The following CNTN4 variants were observed in gnomAD, a reference collection of about 807,000 sequenced individuals.
The protein encoded by CNTN4 is contactin 4.
CNTN4 carries 77 observed loss-of-function variants against 122.5 expected under a neutral mutation model. The observed-to-expected ratio is 0.63, with a 90% CI of 0.52 to 0.76. The LOEUF (loss-of-function observed/expected upper bound fraction) is 0.76. Ranked by LOEUF, CNTN4 falls within the 30% of genes least tolerant of loss-of-function variation. The pLI is 0.00. For missense variants in CNTN4, 1,256 were observed against 1,259.1 expected (o/e 1.00, Z 0.04); for synonymous variants, 512 against 447.0 (o/e 1.15, Z -1.83).
At chr3:2,633,822 A>T (rs531271471) in intron 4 of CNTN4, among the ~76,000 whole-genome samples, 20 of 152,330 alleles carry the variant, frequency 1.3e-4, no homozygotes, top group African/African-American at 4.6e-4. Context: ...AAAGGAAGAA[A>T]AGCATTTGCT....
intron 13 of CNTN4, among the ~76,000 whole-genome samples, chr3:2,937,732 G>A (rs1317648022): frequency 6.6e-6 from 1 of 152,162 alleles, no homozygotes; most frequent in Non-Finnish European, 1.5e-5. Flanking sequence ...CCACAGCAGT[G>A]CTTAGGGAAC....
At chr3:2,290,138 C>T (rs938781151) in intron 2 of CNTN4, among the ~76,000 whole-genome samples, 1 of 152,054 alleles carries the variant, frequency 6.6e-6, no homozygotes, top group African/African-American at 2.4e-5. Context: ...AAAAATGAAA[C>T]AACAGTTTCT....
chr3:2,242,096 A>G (rs576848334), intron 2 of CNTN4, among the ~76,000 whole-genome samples: 1 of 152,324 alleles, frequency 6.6e-6, no homozygotes, highest in South Asian at 2.1e-4. Flanking sequence ...GAAGAACACA[A>G]TTATTTTAAA....
chr3:2,639,685 G>A (rs1178770638), intron 4 of CNTN4, among the ~76,000 whole-genome samples: 1 of 152,074 alleles, frequency 6.6e-6, no homozygotes, highest in Admixed American at 6.5e-5. Context: ...ATTTTTCTTT[G>A]TCTGAAATAA....
Position 2,127,490 on chromosome 3 carries a change from A to C in CNTN4, c.-145+26851A>C, listed in dbSNP as rs76756073. ...GATGTGCCACAATCCTTTTAGAACAAGACCGTGATTGAAACTAGTCTCTTT... is the reference window on the plus strand; with the variant it reads ...GATGTGCCACAATCCTTTTAGAACACGACCGTGATTGAAACTAGTCTCTTT... On this transcript the variant is annotated intron_variant, in intron 2 of 24. Transcript: ENST00000418658. 4.4e-3 allele frequency among the ~76,000 whole-genome samples: 667 copies of C among 152,298 alleles called. 18 individuals carry two copies. Among genetic ancestry groups the C allele is most frequent in the East Asian group, 0.032 (165 of 5,182 alleles).
At chr3:2,627,684 G>T (rs149319928) in intron 4 of CNTN4, among the ~76,000 whole-genome samples, 6 of 151,806 alleles carry the variant, frequency 4.0e-5, no homozygotes, top group Admixed American at 3.9e-4. Flanking sequence ...TAGTAGAGAC[G>T]GGGTTTCACC....
intron 4 of CNTN4, among the ~76,000 whole-genome samples, chr3:2,627,052 T>C (rs1280439350): frequency 6.6e-6 from 1 of 152,242 alleles, no homozygotes; most frequent in Non-Finnish European, 1.5e-5. Context: ...ATCTTCTTAC[T>C]AGTCTGAACA....
intron 7 of CNTN4, among the ~76,000 whole-genome samples, chr3:2,849,995 C>CTT (rs1211955882): frequency 6.8e-6 from 1 of 146,176 alleles, no homozygotes; most frequent in African/African-American, 2.5e-5. Flanking sequence ...ACTTTTTTTT[C>CTT]TTTTTTTTTT....
intron 2 of CNTN4, among the ~76,000 whole-genome samples, chr3:2,188,862 C>CT (rs1368877896): frequency 6.6e-6 from 1 of 152,118 alleles, no homozygotes; most frequent in African/African-American, 2.4e-5. Flanking sequence ...CTACCACAGA[C>CT]TAAGACTATC....
chr3:2,230,233 C>T (rs1432836861), intron 2 of CNTN4, among the ~76,000 whole-genome samples: 1 of 152,176 alleles, frequency 6.6e-6, no homozygotes, highest in Non-Finnish European at 1.5e-5. Flanking sequence ...ATCAGGTTTT[C>T]CAAATGTGAT....
At chr3:2,635,091 T>C (rs892558295) in intron 4 of CNTN4, among the ~76,000 whole-genome samples, 1 of 152,170 alleles carries the variant, frequency 6.6e-6, no homozygotes, top group African/African-American at 2.4e-5. Flanking sequence ...AATTTTTTTT[T>C]TCTAGTGAGC....
At chr3:2,596,510 A>T (rs964319416) in intron 4 of CNTN4, among the ~76,000 whole-genome samples, 1 of 152,168 alleles carries the variant, frequency 6.6e-6, no homozygotes, top group Non-Finnish European at 1.5e-5. Context: ...GAATCAATCC[A>T]TATATATTTA....
At chr3:3,013,432 A>G (rs985190714) in intron 14 of CNTN4, among the ~76,000 whole-genome samples, 1 of 152,144 alleles carries the variant, frequency 6.6e-6, no homozygotes, top group Admixed American at 6.5e-5. Flanking sequence ...TCCAGCAACT[A>G]TTTCTGAGAT....
rs190628685 is a variant in CNTN4, at chr3:2,588,567, A to G, written c.55+17009A>G. ...CTTTTAGTAGAGACGGGGTTTTACT[A>G]TGTTGGCCAGACTGGTCTTGAATGC... is the stretch of plus-strand genomic sequence containing the variant. On this transcript the variant is annotated intron_variant, in intron 4 of 24. Transcript: ENST00000418658. Among the ~76,000 whole-genome samples, 282 of 151,952 alleles carry G rather than the reference A, an allele frequency of 1.9e-3. 3 individuals carry two copies. The highest frequency in any genetic ancestry group is 6.4e-3 in the African/African-American group (267 of 41,448).
intron 4 of CNTN4, among the ~76,000 whole-genome samples, chr3:2,592,098 C>G (rs1021349457): frequency 6.6e-6 from 1 of 152,042 alleles, no homozygotes; most frequent in Non-Finnish European, 1.5e-5. Context: ...CCAGGCGCAT[C>G]TCAAAATCCT....
chr3:2,251,356 A>G (rs907075556), intron 2 of CNTN4, among the ~76,000 whole-genome samples: 1 of 151,918 alleles, frequency 6.6e-6, no homozygotes, highest in Non-Finnish European at 1.5e-5. Flanking sequence ...AGGAAGATCT[A>G]CTTAGAGCTG....
At chr3:2,258,046 G>A (rs2040672454) in intron 2 of CNTN4, among the ~76,000 whole-genome samples, 1 of 152,168 alleles carries the variant, frequency 6.6e-6, no homozygotes, top group South Asian at 2.1e-4. Flanking sequence ...CTGGGCAATA[G>A]AATGAGACTC....
intron 2 of CNTN4, among the ~76,000 whole-genome samples, chr3:2,217,783 A>G (rs1559351030): frequency 1.3e-5 from 2 of 152,246 alleles, no homozygotes; most frequent in African/African-American, 4.8e-5. Context: ...AGAGAATCAT[A>G]GATGACCTTA....
At chr3:2,982,345 C>A (rs1694105543) in intron 13 of CNTN4, among the ~76,000 whole-genome samples, 1 of 152,176 alleles carries the variant, frequency 6.6e-6, no homozygotes, top group African/African-American at 2.4e-5. Flanking sequence ...GGAAAGATTG[C>A]ACTCTTCCTG....
Sources: allele counts gnomAD v4.1 joint callset (sites outside exome capture counted in the v4.1 genomes callset), GRCh38; gene constraint gnomAD v4.1.1; transcripts MANE v1.5; gene names NCBI Gene and HGNC (gene_info 2026-07-23, HGNC 2026-07-21).